Variants in BTBD10 observed in about 807,000 individuals in gnomAD.
BTBD10 encodes the protein BTB/POZ domain-containing protein 10.
Under a neutral mutation model 53.2 loss-of-function variants are expected in BTBD10, and 21 were observed. That is an observed-to-expected ratio of 0.39 (90% confidence interval 0.28 to 0.57). The LOEUF is 0.57. Among genes scored for constraint, BTBD10 ranks in the 20% least tolerant of loss-of-function variants. The pLI is 0.53. For missense variants in BTBD10, 360 were observed against 594.7 expected, an observed-to-expected ratio of 0.61 and a Z score of 4.10; for synonymous variants, 149 against 192.7, an observed-to-expected ratio of 0.77 and a Z score of 1.88.
intron 8 of BTBD10, among the ~76,000 whole-genome samples, chr11:13,400,619 C>T: frequency 6.6e-6 from 1 of 152,222 alleles, no homozygotes; most frequent in African/African-American, 2.4e-5. Context: ...ATGCAGAAAT[C>T]ACCCATTTTC....
intron 6 of BTBD10, among the ~76,000 whole-genome samples, chr11:13,408,196 G>A (rs1197650810): frequency 2.0e-5 from 3 of 152,114 alleles, no homozygotes; most frequent in Non-Finnish European, 2.9e-5. Flanking sequence ...TAGTTAACCC[G>A]ACATATTCCA....
At chr11:13,411,446 A>G (rs1411991303) in intron 6 of BTBD10, among the ~76,000 whole-genome samples, 4 of 152,218 alleles carry the variant, frequency 2.6e-5, no homozygotes, top group African/African-American at 9.6e-5. Flanking sequence ...CCATCTCTTC[A>G]AATTCTATAT....
chr11:13,461,410 A>G (rs1156296990), intron 1 of BTBD10, among the ~76,000 whole-genome samples: 34 of 152,322 alleles, frequency 2.2e-4, no homozygotes, highest in Non-Finnish European at 5.9e-5. Flanking sequence ...TGTCTCTCTG[A>G]TAAGGCATAG....
At chr11:13,393,842 T>C (rs1420503500) in intron 8 of BTBD10, among the ~76,000 whole-genome samples, 1 of 152,206 alleles carries the variant, frequency 6.6e-6, no homozygotes, top group Non-Finnish European at 1.5e-5. Flanking sequence ...AGACTTGGAT[T>C]CAAGACCTGG....
At chr11:13,448,178 C>G (rs900770134) in intron 1 of BTBD10, among the ~76,000 whole-genome samples, 1 of 152,052 alleles carries the variant, frequency 6.6e-6, no homozygotes, top group African/African-American at 2.4e-5. Flanking sequence ...TTCCTGTACT[C>G]AAAAAACTCA....
At chr11:13,389,650 ACTC>A (rs999440621) in intron 8 of BTBD10, among the ~76,000 whole-genome samples, 2 of 151,880 alleles carry the variant, frequency 1.3e-5, no homozygotes, top group African/African-American at 4.8e-5. Flanking sequence ...CTGGTCTCGA[ACTC>A]CTGACCTCAA....
At chr11:13,445,751 C>A (rs946315034) in intron 1 of BTBD10, among the ~76,000 whole-genome samples, 2 of 152,126 alleles carry the variant, frequency 1.3e-5, no homozygotes, top group Admixed American at 6.5e-5. Flanking sequence ...AATGTTTTAT[C>A]AATGCAATTC....
At chr11:13,451,477 T>G (rs750713113) in intron 1 of BTBD10, among the ~76,000 whole-genome samples, 4 of 152,004 alleles carry the variant, frequency 2.6e-5, no homozygotes, top group Non-Finnish European at 5.9e-5. Flanking sequence ...ACCACCAAAT[T>G]ACAGGTGCAG....
At chr11:13,393,233 T>C (rs907264411) in intron 8 of BTBD10, among the ~76,000 whole-genome samples, 2 of 152,224 alleles carry the variant, frequency 1.3e-5, no homozygotes, top group Non-Finnish European at 2.9e-5. Flanking sequence ...AATATGAATA[T>C]GGGACCACAG....
At chr11:13,431,515 T>C (rs1291629037) in intron 2 of BTBD10, among the ~76,000 whole-genome samples, 3 of 152,212 alleles carry the variant, frequency 2.0e-5, no homozygotes, top group African/African-American at 7.2e-5. Context: ...TGCAGCTTTA[T>C]GACTTAATAA....
Position 13,439,841 on chromosome 11 carries a change from A to G in BTBD10, c.101+5183T>C, listed in dbSNP as rs966515232. On this transcript the variant is annotated intron_variant, in intron 2 of 8. Coordinates refer to ENST00000278174, the MANE Select transcript of BTBD10 (RefSeq NM_032320.7). Reference sequence around the variant, plus strand: ...CTTTCTTTCAAATTCATATATGTAAATAATTATAACCCAGAGATATCATGT... The same window carrying G: ...CTTTCTTTCAAATTCATATATGTAAGTAATTATAACCCAGAGATATCATGT... 2.1e-5 allele frequency: 30 copies of G among 1,432,786 alleles called. No homozygotes were observed. In the African/African-American group the frequency reaches 3.6e-4, roughly 17 times the overall value. The allele number at this position is 1,432,786 out of a possible 1,614,324, so 88.8% of individuals were successfully genotyped here. A position where few individuals can be genotyped will look rare whatever the true frequency, so the allele number is the denominator to read the frequency against.
intron 6 of BTBD10, among the ~76,000 whole-genome samples, chr11:13,410,687 A>G (rs1949923600): frequency 6.6e-6 from 1 of 152,252 alleles, no homozygotes. Context: ...GATCAACTAA[A>G]AAATTATTAG....
intron 1 of BTBD10, among the ~76,000 whole-genome samples, chr11:13,445,697 T>A (rs1305878079): frequency 2.0e-5 from 3 of 152,216 alleles, no homozygotes; most frequent in East Asian, 3.8e-4. Context: ...AAAATAAATG[T>A]ACGTAAGCAT....
At chr11:13,444,829 T>C (rs1950723712) in intron 2 of BTBD10, among the ~76,000 whole-genome samples, 195 bp downstream of exon 2, 1 of 152,040 alleles carries the variant, frequency 6.6e-6, no homozygotes, top group African/African-American at 2.4e-5. Context: ...GAAATAAATA[T>C]TCAAATACAA....
At chr11:13,445,002 G>A (rs556033498) in intron 2 of BTBD10, 22 bp downstream of exon 2, 69 of 1,562,994 alleles carry the variant, frequency 4.4e-5, no homozygotes, top group African/African-American at 1.4e-4. Context: ...TTTCATATGC[G>A]AAATACATAT....
At chr11:13,459,777 G>T (rs747327312) in intron 1 of BTBD10, 3 of 152,150 alleles carry the variant, frequency 2.0e-5, no homozygotes, top group Non-Finnish European at 4.4e-5. Flanking sequence ...CCTAAGAATT[G>T]AGAGTCCCAA....
chr11:13,432,549 G>GA (rs1161043002), intron 2 of BTBD10, among the ~76,000 whole-genome samples: 1 of 151,744 alleles, frequency 6.6e-6, no homozygotes, highest in East Asian at 1.9e-4. Context: ...ATTTCATAAT[G>GA]AAAATAATTC....
chr11:13,452,588 C>T (rs1276072858), intron 1 of BTBD10, among the ~76,000 whole-genome samples: 4 of 152,106 alleles, frequency 2.6e-5, no homozygotes, highest in African/African-American at 7.2e-5. Context: ...AGCAAGCATA[C>T]TTAATAGCCA....
At chr11:13,436,285 A>T (rs1402027873) in intron 2 of BTBD10, among the ~76,000 whole-genome samples, 3 of 152,132 alleles carry the variant, frequency 2.0e-5, no homozygotes, top group Non-Finnish European at 4.4e-5. Flanking sequence ...GGGCCAGGTA[A>T]TTCTTTGTTG....
Sources: gnomAD v4.1 joint callset for allele counts (sites outside exome capture counted in the v4.1 genomes callset) on GRCh38, gnomAD v4.1.1 for gene constraint, MANE v1.5 for transcripts, NCBI Gene and HGNC (gene_info 2026-07-23, HGNC 2026-07-21) for gene names.